The following CTDSPL2 variants were observed in gnomAD, a reference collection of about 807,000 sequenced individuals.
CTDSPL2 encodes the protein CTD small phosphatase like 2, also known as CTD small phosphatase-like protein 2.
Under a neutral mutation model 60.0 loss-of-function variants are expected in CTDSPL2, and 5 were observed. The observed-to-expected ratio is 0.08, with a 90% CI of 0.04 to 0.18. The LOEUF (loss-of-function observed/expected upper bound fraction) is 0.18, where lower values mean the gene tolerates loss of function less well. Ranked by LOEUF, CTDSPL2 falls within the 10% of genes least tolerant of loss-of-function variation. CTDSPL2 has a pLI of 1.00. For missense variants in CTDSPL2, 370 were observed against 548.8 expected (o/e 0.67, Z 3.26); for synonymous variants, 186 against 189.3 (o/e 0.98, Z 0.14).
At position 44,528,355 on chromosome 15, in the gene CTDSPL2, T is replaced by C. The variant is rs1326903850; in HGVS notation, c.*4181T>C. The C allele has an allele frequency of 6.6e-6, 1 of 151,070 alleles. No homozygotes were observed. The highest frequency in any genetic ancestry group is 1.5e-5 in the Non-Finnish European group (1 of 67,772). The allele number at this position is 151,070 out of a possible 1,614,324, so 9.4% of individuals were successfully genotyped here. On this transcript the variant is annotated 3_prime_UTR_variant, in exon 13 of 13. Transcript: ENST00000260327. ...GTTCTGGCTTTTTTTTTTTGTTTGG[T>C]TGGTTTTGTTTTGTTTTGTTTTGTT...
At chr15:44,478,681 A>C (rs1037295512) in intron 2 of CTDSPL2, among the ~76,000 whole-genome samples, 6 of 152,080 alleles carry the variant, frequency 3.9e-5, no homozygotes, top group African/African-American at 1.4e-4. Flanking sequence ...TTGCTAAATT[A>C]GAACATGTCT....
intron 2 of CTDSPL2, 48 bp from the exon 3 acceptor site, chr15:44,484,176 G>A: frequency 4.0e-6 from 6 of 1,513,568 alleles, no homozygotes; most frequent in Non-Finnish European, 5.4e-6. Flanking sequence ...TAACCTGTAA[G>A]GCAGAATGAT....
Position 44,458,321 on chromosome 15 carries a change from G to A in CTDSPL2, c.-24-670G>A, listed in dbSNP as rs375832033. The stretch of plus-strand genomic sequence containing the variant: ...GTCTTTAATTCTAAGTGTTGGGACA[G>A]TTTTGCCAGCAATTAATTGTCTTAC... On this transcript the variant is annotated intron_variant, in intron 1 of 12. Transcript: ENST00000260327. 3.8e-4 allele frequency among the ~76,000 whole-genome samples: 58 copies of A among 152,310 alleles called. 1 individual carries two copies. The East Asian group carries it at 8.1e-3, about 21-fold the overall frequency.
intron 2 of CTDSPL2, among the ~76,000 whole-genome samples, chr15:44,470,225 A>G (rs915405026): frequency 1.3e-5 from 2 of 151,408 alleles, no homozygotes; most frequent in Non-Finnish European, 2.9e-5. Context: ...TGTCTACTTC[A>G]TTATCTGTCA....
At chr15:44,484,064 A>G (rs904824111) in intron 2 of CTDSPL2, among the ~76,000 whole-genome samples, 160 bp from the exon 3 acceptor site, 1 of 152,090 alleles carries the variant, frequency 6.6e-6, no homozygotes, top group Non-Finnish European at 1.5e-5. Context: ...AGCCCTGTCA[A>G]ATTTTTTCTG....
At chr15:44,433,513 C>T (rs2141256680) in intron 1 of CTDSPL2, among the ~76,000 whole-genome samples, 1 of 151,784 alleles carries the variant, frequency 6.6e-6, no homozygotes. Context: ...GATGGACTCT[C>T]ACTCTGTTGC....
chr15:44,471,304 A>G (rs1018942256), intron 2 of CTDSPL2, among the ~76,000 whole-genome samples: 8 of 152,182 alleles, frequency 5.3e-5, no homozygotes, highest in African/African-American at 1.9e-4. Context: ...GATAAATAAG[A>G]TTGATATTGC....
chr15:44,514,898 A>G (rs2081622763), intron 10 of CTDSPL2, 54 bp downstream of exon 10: 8 of 1,047,288 alleles, frequency 7.6e-6, no homozygotes, highest in Non-Finnish European at 1.1e-5. Flanking sequence ...CTATGAAATT[A>G]CTGATTCTAT....
At chr15:44,490,701 T>C in intron 4 of CTDSPL2, 83 bp from the exon 5 acceptor site, 1 of 988,566 alleles carries the variant, frequency 1.0e-6, no homozygotes, top group South Asian at 1.4e-5. Flanking sequence ...TCTAAATAAA[T>C]ATATTGTACG....
At chr15:44,467,672 C>G (rs2080723411) in intron 2 of CTDSPL2, among the ~76,000 whole-genome samples, 1 of 152,164 alleles carries the variant, frequency 6.6e-6, no homozygotes, top group Non-Finnish European at 1.5e-5. Flanking sequence ...CTCCTGGGTT[C>G]AAGCAATTCT....
At chr15:44,431,235 T>C (rs2079850882) in intron 1 of CTDSPL2, among the ~76,000 whole-genome samples, 1 of 152,068 alleles carries the variant, frequency 6.6e-6, no homozygotes, top group Non-Finnish European at 1.5e-5. Context: ...GTGCTGGGCT[T>C]ACCGGCATGA....
intron 1 of CTDSPL2, among the ~76,000 whole-genome samples, chr15:44,458,374 A>G (rs2140693291): frequency 6.6e-6 from 1 of 152,166 alleles, no homozygotes; most frequent in African/African-American, 2.4e-5. Flanking sequence ...TCAAATAAAT[A>G]GCCTCATATT....
chr15:44,506,366 AAATCACCTATATG>A (rs909782499), intron 8 of CTDSPL2, among the ~76,000 whole-genome samples: 1 of 150,752 alleles, frequency 6.6e-6, no homozygotes, highest in African/African-American at 2.4e-5. Flanking sequence ...TAAATCATAT[AAATCACCTATATG>A]AATACATTAA....
At position 44,490,931 on chromosome 15, in the gene CTDSPL2, G is replaced by C. The variant is rs2081203085; in HGVS notation, c.623G>C (p.Arg208Thr). 6.2e-7 allele frequency: 1 copy of C among 1,613,986 alleles called. No homozygotes were observed. The highest frequency in any genetic ancestry group is 8.5e-7 in the Non-Finnish European group (1 of 1,180,006). Residue 208 changes from arginine to threonine, a missense_variant, in exon 5 of 13, where the codon AGA (arginine) becomes ACA (threonine). Transcript: ENST00000260327. ...TACTCAAATCAAGCAGTTCAAGTGA[G>C]ACCATCACTAAACAATGGTTTAGAA... ...AAYSNQAVQV[R>T]PSLNNGLEEA...
chr15:44,475,131 C>T (rs376306013), intron 2 of CTDSPL2, among the ~76,000 whole-genome samples: 1 of 151,884 alleles, frequency 6.6e-6, no homozygotes, highest in South Asian at 2.1e-4. Flanking sequence ...TAATAAGGCA[C>T]AGAAGTACAA....
intron 1 of CTDSPL2, among the ~76,000 whole-genome samples, chr15:44,453,768 T>G (rs1467854633): frequency 6.6e-6 from 1 of 152,190 alleles, no homozygotes; most frequent in African/African-American, 2.4e-5. Context: ...TCCTTTTTTA[T>G]GGCTGCATAG....
At chr15:44,458,548 C>A (rs190030542) in intron 1 of CTDSPL2, among the ~76,000 whole-genome samples, 2 of 152,310 alleles carry the variant, frequency 1.3e-5, no homozygotes. Context: ...TTCCACTACC[C>A]AGTGAGTTAC....
chr15:44,469,216 T>TTTA, intron 2 of CTDSPL2, among the ~76,000 whole-genome samples: 1 of 152,316 alleles, frequency 6.6e-6, no homozygotes, highest in Non-Finnish European at 1.5e-5. Flanking sequence ...TTGAAAGGTG[T>TTTA]CACGTGAGCA....
chr15:44,438,214 A>C (rs2080014982), intron 1 of CTDSPL2, among the ~76,000 whole-genome samples: 2 of 151,580 alleles, frequency 1.3e-5, no homozygotes, highest in South Asian at 4.2e-4. Flanking sequence ...CAGTGAGCTG[A>C]GATCGCGCCA....
Sources: allele counts gnomAD v4.1 joint callset (sites outside exome capture counted in the v4.1 genomes callset), GRCh38; gene constraint gnomAD v4.1.1; transcripts MANE v1.5; gene names NCBI Gene and HGNC (gene_info 2026-07-23, HGNC 2026-07-21).